Variants in PTGR2 observed in about 807,000 individuals in gnomAD.
PTGR2 encodes prostaglandin reductase 2.
In PTGR2, 32 loss-of-function variants were observed where a neutral mutation model predicts 43.4. The ratio of observed to expected loss-of-function variants is 0.74; its 90% confidence interval spans 0.56 to 0.99. The LOEUF (loss-of-function observed/expected upper bound fraction) is 0.99, where lower values mean the gene tolerates loss of function less well. Among genes scored for constraint, PTGR2 ranks in the 50% least tolerant of loss-of-function variants. The probability of loss-of-function intolerance (pLI) is 0.00; values close to 1 mark genes in which losing one functional copy is unlikely to be tolerated. For missense variants in PTGR2, 373 were observed against 420.0 expected, an observed-to-expected ratio of 0.89 and a Z score of 0.98; for synonymous variants, 106 against 139.2, an observed-to-expected ratio of 0.76 and a Z score of 1.68.
chr14:73,884,072 T>C (rs1411590730), intron 9 of PTGR2, 29 bp from the exon 10 acceptor site: 1 of 1,405,690 alleles, frequency 7.1e-7, no homozygotes. Context: ...CATTTATCTT[T>C]TCAGATAACC....
In PTGR2 at chr14:73,879,200, T is replaced by TA. The variant is rs2054927077; in HGVS notation, c.630dup (p.Asp211ArgfsTer9). 6.2e-7 allele frequency: 1 copy of TA among 1,614,068 alleles called. No individual in the cohort carries two copies. The highest frequency in any genetic ancestry group is 1.1e-5 in the South Asian group (1 of 91,080). ...TGGGCTTTGATGCTGCAATTAATTA[T>TA]AAAAAAGACAATGTGGCAGAACAGC... On this transcript the variant is annotated frameshift_variant, in exon 6 of 10. Transcript: ENST00000555661.
Position 73,881,373 on chromosome 14 carries a change from C to T in PTGR2, c.939+81C>T, listed in dbSNP as rs1595372936. 6.4e-6 allele frequency: 5 copies of T among 784,708 alleles called. No homozygotes were observed. The East Asian group carries it at 1.2e-4, about 19-fold the overall frequency. 48.6% of individuals were successfully genotyped at this position (784,708 alleles called of 1,614,324 possible). A position where few individuals can be genotyped will look rare whatever the true frequency, so the allele number is the denominator to read the frequency against. On this transcript the variant is annotated intron_variant, in intron 8 of 9. Transcript: ENST00000555661. ...CATTATTTAAATGTACTATAGCAAA[C>T]ATACTAGTTTCATTATAAAAATTCC...
intron 1 of PTGR2, chr14:73,858,403 A>G (rs1426828820): frequency 6.4e-6 from 1 of 156,220 alleles, no homozygotes; most frequent in African/African-American, 2.4e-5. Flanking sequence ...ATACAAAAAA[A>G]TTAGCTGGGC....
intron 5 of PTGR2, chr14:73,878,677 A>C: frequency 2.4e-6 from 1 of 412,062 alleles, no homozygotes; most frequent in East Asian, 7.7e-5. Context: ...AATGACCATA[A>C]GGGTAAACAA....
In PTGR2 at chr14:73,882,913, C is replaced by T. The variant is rs188225827; in HGVS notation, c.979+475C>T. On this transcript the variant is annotated intron_variant, in intron 9 of 9. Coordinates refer to ENST00000555661, the MANE Select transcript of PTGR2 (RefSeq NM_001146154.2). ...TTGGCTCACTGCAACCTCCACCTCC[C>T]GAGATCAAGCAATTCTCCTGCCTCA... Among the ~76,000 whole-genome samples the T allele has an allele frequency of 5.4e-3, 763 of 140,342 alleles. 8 individuals are homozygous for T. The highest frequency in any genetic ancestry group is 0.019 in the African/African-American group (737 of 37,902). 92.1% of individuals were successfully genotyped at this position (140,342 alleles called of 152,430 possible).
chr14:73,858,805 T>G lies in PTGR2; in HGVS notation c.-47-11T>G. 4.3e-6 allele frequency: 6 copies of G among 1,388,124 alleles called. No homozygotes were observed. The highest frequency in any genetic ancestry group is 6.0e-6 in the Non-Finnish European group (6 of 1,007,584). The allele number at this position is 1,388,124 out of a possible 1,614,324, so 86.0% of individuals were successfully genotyped here. ...TCAAATCTTGTGATTTAAAAATTTT[T>G]TTATTTATAGGAGTATTTTATACAG... On this transcript the variant is annotated splice_polypyrimidine_tract_variant and intron_variant, in intron 1 of 9. Transcript: ENST00000555661.
At chr14:73,852,363 G>A (rs2054249244) in intron 1 of PTGR2, among the ~76,000 whole-genome samples, 1 of 152,124 alleles carries the variant, frequency 6.6e-6, no homozygotes, top group South Asian at 2.1e-4. Context: ...TCGGGTTCAA[G>A]CGATTCTCCT....
At chr14:73,854,534 A>G (rs1251874181) in intron 1 of PTGR2, among the ~76,000 whole-genome samples, 2 of 152,240 alleles carry the variant, frequency 1.3e-5, no homozygotes, top group South Asian at 2.1e-4. Flanking sequence ...CTTTAATAGT[A>G]TATTTTTCAT....
chr14:73,880,359 G>A, intron 7 of PTGR2, 183 bp downstream of exon 7: 1 of 598,734 alleles, frequency 1.7e-6, no homozygotes, highest in African/African-American at 1.9e-5. Context: ...GATTGCTTGA[G>A]GCCAGGAGTT....
In PTGR2 at chr14:73,881,158, A is replaced by G. The variant is rs768985551; in HGVS notation, c.852-47A>G. 7 of 1,127,710 alleles carry G rather than the reference A, an allele frequency of 6.2e-6. No homozygotes were observed. The South Asian group carries it at 7.5e-5, about 12-fold the overall frequency. 69.9% of individuals were successfully genotyped at this position (1,127,710 alleles called of 1,614,324 possible). On this transcript the variant is annotated intron_variant, in intron 7 of 9. Coordinates refer to ENST00000555661, the MANE Select transcript of PTGR2 (RefSeq NM_001146154.2). ...TGGAATGGTTTGATCTTGGAATACC[A>G]CTCCCGTTATATTCTCTGATCATTA...
rs2055112461 is a variant in PTGR2, at chr14:73,885,597, T to C, written c.*1420T>C. The C allele has an allele frequency of 6.6e-6, 1 of 152,206 alleles. No homozygotes were observed. The highest frequency in any genetic ancestry group is 1.5e-5 in the Non-Finnish European group (1 of 68,036). 9.4% of individuals were successfully genotyped at this position (152,206 alleles called of 1,614,324 possible). Reference sequence around the variant, plus strand: ...AGTGGCCCTTTTTTGTTACTTTTCCTGGACCATTTCATCGCCTGAGGGGGT... The same window carrying C: ...AGTGGCCCTTTTTTGTTACTTTTCCCGGACCATTTCATCGCCTGAGGGGGT... On this transcript the variant is annotated 3_prime_UTR_variant, in exon 10 of 10. Transcript: ENST00000555661.
intron 3 of PTGR2, among the ~76,000 whole-genome samples, chr14:73,864,081 G>A (rs182445326): frequency 6.6e-6 from 1 of 152,088 alleles, no homozygotes; most frequent in African/African-American, 2.4e-5. Context: ...TTTGTGTCTG[G>A]CTTCTTTCAT....
rs1320192102 is a variant in PTGR2, at chr14:73,884,506, TATTA to T, written c.*332_*335del. The T allele has an allele frequency of 6.4e-6, 1 of 156,666 alleles. No individual in the cohort carries two copies. Among genetic ancestry groups the T allele is most frequent in the Non-Finnish European group, 1.4e-5 (1 of 71,262 alleles). 9.7% of individuals were successfully genotyped at this position (156,666 alleles called of 1,614,324 possible). A position where few individuals can be genotyped will look rare whatever the true frequency, so the allele number is the denominator to read the frequency against. ...TACACAATAGGTTTTTTAAAATTAATATTAATAACTTTTATTAATTTAAAATAGA... is the reference window on the plus strand; with the variant it reads ...TACACAATAGGTTTTTTAAAATTAATATAACTTTTATTAATTTAAAATAGA... On this transcript the variant is annotated 3_prime_UTR_variant, in exon 10 of 10. Coordinates refer to ENST00000555661, the MANE Select transcript of PTGR2 (RefSeq NM_001146154.2).
At chr14:73,877,194 T>C in intron 5 of PTGR2, 26 bp downstream of exon 5, 1 of 1,577,964 alleles carries the variant, frequency 6.3e-7, no homozygotes, top group East Asian at 2.2e-5. Flanking sequence ...ATTATTTGAT[T>C]TTCTGATTAT....
chr14:73,880,017 A>G (rs2054944605), intron 6 of PTGR2, 38 bp from the exon 7 acceptor site: 1 of 1,605,864 alleles, frequency 6.2e-7, no homozygotes, highest in Non-Finnish European at 8.5e-7. Context: ...CAGTAAACAT[A>G]GGAAAGGGAT....
At chr14:73,881,567 T>TG (rs71460929) in intron 8 of PTGR2, among the ~76,000 whole-genome samples, 2 of 151,812 alleles carry the variant, frequency 1.3e-5, no homozygotes, top group Non-Finnish European at 1.5e-5. Context: ...AATGTAAAAT[T>TG]ATGTTTATTA....
At chr14:73,880,439 G>A (rs1441130238) in intron 7 of PTGR2, among the ~76,000 whole-genome samples, 2 of 151,874 alleles carry the variant, frequency 1.3e-5, no homozygotes, top group Non-Finnish European at 2.9e-5. Flanking sequence ...GCCGGGTGTA[G>A]TGATGGGCGC....
chr14:73,865,117 G>A (rs1365387403), intron 3 of PTGR2, among the ~76,000 whole-genome samples: 1 of 152,160 alleles, frequency 6.6e-6, no homozygotes, highest in African/African-American at 2.4e-5. Flanking sequence ...TGGCTCACAA[G>A]ATTATGGAAG....
chr14:73,859,956 C>T (rs1157113768), intron 2 of PTGR2, among the ~76,000 whole-genome samples: 2 of 151,330 alleles, frequency 1.3e-5, no homozygotes, highest in Non-Finnish European at 2.9e-5. Flanking sequence ...TCAAGCGATT[C>T]TTCTGCCTCA....
Sources: allele counts gnomAD v4.1 joint callset (sites outside exome capture counted in the v4.1 genomes callset), GRCh38; gene constraint gnomAD v4.1.1; transcripts MANE v1.5; gene names NCBI Gene and HGNC (gene_info 2026-07-23, HGNC 2026-07-21).